Variants in CASD1 observed in about 807,000 individuals in gnomAD.
CASD1 encodes CAS1 domain sialic acid O acetyltransferase 1.
A neutral mutation model predicts 100.0 loss-of-function variants in CASD1; 41 were observed. The ratio of observed to expected loss-of-function variants is 0.41; its 90% CI spans 0.32 to 0.53. The LOEUF (loss-of-function observed/expected upper bound fraction) is 0.53. Among genes scored for constraint, CASD1 ranks in the 20% least tolerant of loss-of-function variants. CASD1 has a pLI of 0.25. For missense variants in CASD1, 774 were observed against 948.7 expected, an observed-to-expected ratio of 0.82 and a Z score of 2.42; for synonymous variants, 321 against 315.6, an observed-to-expected ratio of 1.02 and a Z score of -0.18.
chr7:94,532,817 TAC>T (rs1794916514), intron 5 of CASD1, among the ~76,000 whole-genome samples: 1 of 152,186 alleles, frequency 6.6e-6, no homozygotes, highest in African/African-American at 2.4e-5. Flanking sequence ...ATTTAACACT[TAC>T]ACTGTGTACC....
At chr7:94,618,793 G>T in the CASD1 span, 16 of 1,613,872 alleles carry the variant, frequency 9.9e-6, no homozygotes, top group Non-Finnish European at 1.4e-5. Context: ...GTGGCACCCT[G>T]CCACCCCTGT....
chr7:94,545,314 G>A (rs1353934866), intron 11 of CASD1, among the ~76,000 whole-genome samples: 1 of 152,018 alleles, frequency 6.6e-6, no homozygotes, highest in Non-Finnish European at 1.5e-5. Flanking sequence ...TCAGGTTGGT[G>A]CTTTGCTGGG....
In CASD1 at chr7:94,537,635, A is replaced by G. The variant is rs1298114979; in HGVS notation, c.1007A>G (p.Asn336Ser). 5.6e-6 allele frequency: 9 copies of G among 1,613,808 alleles called. No homozygotes were observed. Among genetic ancestry groups the G allele is most frequent in the Non-Finnish European group, 7.6e-6 (9 of 1,179,912 alleles). ...GYLIFYIIHR[N>S]AHRKNKPCTD... is the part of the protein sequence containing the mutation. ...TTAATTTTTTACATAATTCATCGTA[A>G]TGCTCATCGGAAGAATAAGCCGTGT... Residue 336 changes from asparagine (N) to serine (S), a missense_variant, in exon 9 of 18, where the codon AAT becomes AGT. By Grantham distance (46) the Asn-to-Ser change is conservative. Coordinates refer to ENST00000297273, the MANE Select transcript of CASD1 (RefSeq NM_022900.5).
chr7:94,563,202 G>A, the CASD1 span, among the ~76,000 whole-genome samples: 1 of 152,136 alleles, frequency 6.6e-6, no homozygotes, highest in South Asian at 2.1e-4. Context: ...AAGACGTTGA[G>A]TGGACCACAC....
At chr7:94,516,152 A>C (rs1793968588) in intron 1 of CASD1, among the ~76,000 whole-genome samples, 1 of 105,928 alleles carries the variant, frequency 9.4e-6, no homozygotes, top group Non-Finnish European at 2.2e-5. Flanking sequence ...TCTTTGAAAT[A>C]CAAAAAAAAA....
chr7:94,518,333 G>A lies in CASD1; in HGVS notation c.351+10G>A. On this transcript the variant is annotated intron_variant, in intron 3 of 17. Coordinates refer to ENST00000297273, the MANE Select transcript of CASD1 (RefSeq NM_022900.5). The stretch of plus-strand genomic sequence containing the variant: ...AGAAGAAGGAAATAAGGTAAAACTT[G>A]TCTATTCCCTTCTGTAGAGTGTTTT... 1 of 1,565,278 alleles carries A rather than the reference G, an allele frequency of 6.4e-7. No individual in the cohort carries two copies. The highest frequency in any genetic ancestry group is 2.3e-5 in the East Asian group (1 of 43,922).
chr7:94,512,377 T>A (rs1793754406), intron 1 of CASD1, among the ~76,000 whole-genome samples: 1 of 152,230 alleles, frequency 6.6e-6, no homozygotes, highest in South Asian at 2.1e-4. Flanking sequence ...TGCTTTAGAA[T>A]AAGAAAGGAT....
the CASD1 span, among the ~76,000 whole-genome samples, chr7:94,563,705 C>A: frequency 6.6e-6 from 1 of 151,872 alleles, no homozygotes; most frequent in Non-Finnish European, 1.5e-5. Context: ...AGCTGGCTAC[C>A]ATTTTTATCA....
rs773061890 is a variant in CASD1 at position 94,516,901 on chromosome 7, CT to C, written c.134-644del. Reference sequence around the variant, plus strand: ...AAAGTCGTGTCTTTTATCCCTTAAACTTTTTTTTTTTTTTTAAAATGAGGCA... The same window carrying C: ...AAAGTCGTGTCTTTTATCCCTTAAACTTTTTTTTTTTTTTAAAATGAGGCA... On this transcript the variant is annotated intron_variant, in intron 1 of 17. Coordinates refer to ENST00000297273, the MANE Select transcript of CASD1 (RefSeq NM_022900.5). Among the ~76,000 whole-genome samples, 586 of 145,430 alleles carry C rather than the reference CT, an allele frequency of 4.0e-3. 3 individuals are homozygous for C. The highest frequency in any genetic ancestry group is 0.011 in the African/African-American group (441 of 39,548).
intron 3 of CASD1, among the ~76,000 whole-genome samples, chr7:94,521,022 G>A (rs553400475): frequency 6.6e-6 from 1 of 152,264 alleles, no homozygotes; most frequent in African/African-American, 2.4e-5. Context: ...AACCCAGGAG[G>A]TGGAGGTTGC....
intron 1 of CASD1, among the ~76,000 whole-genome samples, chr7:94,512,639 T>A (rs535908930): frequency 6.6e-6 from 1 of 152,366 alleles, no homozygotes; most frequent in Non-Finnish European, 1.5e-5. Context: ...TTAACTCATT[T>A]TGTCTTTATA....
chr7:94,600,578 T>C, the CASD1 span: 1 of 1,206,116 alleles, frequency 8.3e-7, no homozygotes, highest in South Asian at 1.3e-5. Flanking sequence ...ACTTTGCTTT[T>C]AATGGAATCT....
In CASD1 at chr7:94,556,903, T is replaced by A. The variant is rs1240596956; in HGVS notation, c.*1145T>A. The A allele has an allele frequency of 6.6e-6, 1 of 152,044 alleles. No homozygotes were observed. The highest frequency in any genetic ancestry group is 2.4e-5 in the African/African-American group (1 of 41,444). The allele number at this position is 152,044 out of a possible 1,614,324, so 9.4% of individuals were successfully genotyped here. ...TACTATATGTGGGGTAAAATATATTTTCTGTTCACAGTATATGAAAATATG... is the reference window on the plus strand; with the variant it reads ...TACTATATGTGGGGTAAAATATATTATCTGTTCACAGTATATGAAAATATG... On this transcript the variant is annotated 3_prime_UTR_variant, in exon 18 of 18. Coordinates refer to ENST00000297273, the MANE Select transcript of CASD1 (RefSeq NM_022900.5).
intron 5 of CASD1, among the ~76,000 whole-genome samples, chr7:94,530,287 A>G (rs75513640): frequency 0.015 from 2,229 of 152,274 alleles, 49 homozygotes; most frequent in African/African-American, 0.051. Context: ...GCTGAAGATG[A>G]TGTATAGCCT....
intron 3 of CASD1, among the ~76,000 whole-genome samples, chr7:94,526,076 A>G (rs962059940): frequency 1.3e-5 from 2 of 152,196 alleles, no homozygotes; most frequent in Admixed American, 6.5e-5. Flanking sequence ...AGTGAAACCT[A>G]TAGCAACCTA....
At chr7:94,630,755 T>C in the CASD1 span, among the ~76,000 whole-genome samples, 1 of 151,940 alleles carries the variant, frequency 6.6e-6, no homozygotes, top group Admixed American at 6.6e-5. Flanking sequence ...CTGCAATTTT[T>C]AGAGAGATAA....
chr7:94,550,515 G>T (rs755042108), intron 14 of CASD1, among the ~76,000 whole-genome samples: 11 of 152,050 alleles, frequency 7.2e-5, no homozygotes, highest in Non-Finnish European at 1.6e-4. Flanking sequence ...CCATAGATTG[G>T]GTGGTTTATA....
intron 3 of CASD1, among the ~76,000 whole-genome samples, chr7:94,524,541 G>A (rs1023242382): frequency 2.6e-5 from 4 of 152,132 alleles, no homozygotes; most frequent in Admixed American, 1.3e-4. Context: ...ATAACTGCTA[G>A]TGAGAGTGTA....
chr7:94,590,580 G>A, the CASD1 span: 1 of 152,160 alleles, frequency 6.6e-6, no homozygotes, highest in Admixed American at 6.5e-5. Context: ...AACTCCAGGA[G>A]TCAGTCCTTT....
Sources: allele counts gnomAD v4.1 joint callset (sites outside exome capture counted in the v4.1 genomes callset), GRCh38; gene constraint gnomAD v4.1.1; transcripts MANE v1.5; gene names NCBI Gene and HGNC (gene_info 2026-07-23, HGNC 2026-07-21).